ADCY8: variants seen among roughly 807,000 people sequenced by gnomAD.
The protein encoded by ADCY8 is adenylate cyclase type 8.
ADCY8 carries 51 observed loss-of-function variants against 119.7 expected under a neutral mutation model. The ratio of observed to expected loss-of-function variants is 0.43; its 90% CI spans 0.34 to 0.54. The LOEUF is 0.54. ADCY8 is among the 20% of genes least tolerant of loss of function. ADCY8 has a pLI of 0.03. For synonymous variants in ADCY8, 665 were observed against 651.0 expected, an observed-to-expected ratio of 1.02 and a Z score of -0.33; for missense variants, 1,383 against 1,598.8, an observed-to-expected ratio of 0.87 and a Z score of 2.30.
intron 11 of ADCY8, among the ~76,000 whole-genome samples, chr8:130,845,233 G>C (rs75294828): frequency 0.044 from 6,757 of 152,086 alleles, 321 homozygotes; most frequent in African/African-American, 0.12. Context: ...TTGTGTTTGG[G>C]GGTTCAGGTG....
intron 5 of ADCY8, among the ~76,000 whole-genome samples, chr8:130,935,037 G>A (rs997351815): frequency 6.6e-6 from 1 of 152,180 alleles, no homozygotes; most frequent in African/African-American, 2.4e-5. Flanking sequence ...TAAGAAGACT[G>A]TGACAACTGG....
At chr8:130,943,276 A>G in intron 4 of ADCY8, 75 bp downstream of exon 4, 1 of 1,084,356 alleles carries the variant, frequency 9.2e-7, no homozygotes, top group South Asian at 1.4e-5. Context: ...AGAAGGCTGA[A>G]TCCTTCTCTT....
chr8:130,869,976 C>CCTT (rs1442893019), intron 8 of ADCY8, among the ~76,000 whole-genome samples: 12 of 147,986 alleles, frequency 8.1e-5, no homozygotes, highest in South Asian at 2.2e-4. Context: ...CTTCCTTCTT[C>CCTT]CTCCTCCTCC....
chr8:130,822,162 G>A (rs755917177), intron 12 of ADCY8, among the ~76,000 whole-genome samples: 1 of 152,128 alleles, frequency 6.6e-6, no homozygotes, highest in Non-Finnish European at 1.5e-5. Flanking sequence ...TCCGTGGAAA[G>A]GATACATCCT....
chr8:130,945,196 A>T (rs149046817), intron 3 of ADCY8, among the ~76,000 whole-genome samples: 1 of 152,206 alleles, frequency 6.6e-6, no homozygotes, highest in African/African-American at 2.4e-5. Flanking sequence ...GAAGAGAGAG[A>T]TGAGGTCAGA....
chr8:130,871,540 T>A (rs976266), intron 8 of ADCY8, among the ~76,000 whole-genome samples: 2 of 152,102 alleles, frequency 1.3e-5, no homozygotes, highest in Non-Finnish European at 1.5e-5. Context: ...TCCACGATAA[T>A]CCTATATAAA....
intron 6 of ADCY8, among the ~76,000 whole-genome samples, chr8:130,909,207 A>AGATCC (rs1819895256): frequency 1.3e-5 from 2 of 152,154 alleles, no homozygotes; most frequent in Non-Finnish European, 2.9e-5. Context: ...GACCACTAGC[A>AGATCC]CCTTTGGGGA....
chr8:130,821,335 A>G lies in ADCY8; in HGVS notation c.2754+7T>C, dbSNP rs769049662. On this transcript the variant is annotated splice_region_variant and intron_variant, in intron 13 of 17. Coordinates refer to ENST00000286355, the MANE Select transcript of ADCY8 (RefSeq NM_001115.3). ...AACAGAGCAGTCAGAGCGAAATGTT[A>G]GATTACCTGCTGTCCATGGTAGAAC... 6.2e-7 allele frequency: 1 copy of G among 1,611,458 alleles called. No individual in the cohort carries two copies. Among genetic ancestry groups the G allele is most frequent in the Non-Finnish European group, 8.5e-7 (1 of 1,177,880 alleles).
Position 130,890,010 on chromosome 8 carries a change from T to G in ADCY8, c.1912-5249A>C, listed in dbSNP as rs1819127733. On this transcript the variant is annotated intron_variant, in intron 7 of 17. Transcript: ENST00000286355. The stretch of plus-strand genomic sequence containing the variant: ...GTGATTGTTTCTCTAGACTATGATC[T>G]CCTTGAGGCCAGGCACTGTGTTTTA... Among the ~76,000 whole-genome samples the G allele has an allele frequency of 1.3e-5, 2 of 152,098 alleles. 1 individual carries two copies. Among genetic ancestry groups the G allele is most frequent in the South Asian group, 4.2e-4 (2 of 4,816 alleles).
chr8:130,781,438 G>A (rs140179911), intron 17 of ADCY8, among the ~76,000 whole-genome samples: 85 of 152,280 alleles, frequency 5.6e-4, no homozygotes, highest in South Asian at 4.1e-4. Context: ...GGGAGGGCTC[G>A]TTCTGATCAA....
chr8:130,981,764 T>C lies in ADCY8; in HGVS notation c.1110+8629A>G, dbSNP rs577325565. Among the ~76,000 whole-genome samples the C allele has an allele frequency of 2.6e-5, 4 of 152,272 alleles. No individual in the cohort carries two copies. In the South Asian group the frequency reaches 6.2e-4, roughly 24 times the overall value. On this transcript the variant is annotated intron_variant, in intron 2 of 17. Coordinates refer to ENST00000286355, the MANE Select transcript of ADCY8 (RefSeq NM_001115.3). ...GAACACAAATAACAAGAAGAAAAAC[T>C]GTTGTTACTAGAATCAGAATACCTT...
At chr8:130,901,717 G>A (rs1275270237) in intron 7 of ADCY8, among the ~76,000 whole-genome samples, 2 of 152,078 alleles carry the variant, frequency 1.3e-5, no homozygotes, top group South Asian at 2.1e-4. Flanking sequence ...TTGGTGGCAC[G>A]CGGTTATTCA....
At chr8:130,853,667 T>C (rs1436418627) in intron 9 of ADCY8, among the ~76,000 whole-genome samples, 1 of 151,506 alleles carries the variant, frequency 6.6e-6, no homozygotes, top group African/African-American at 2.4e-5. Context: ...TATAGGGCTG[T>C]GTGGGAGGAT....
intron 5 of ADCY8, among the ~76,000 whole-genome samples, chr8:130,934,560 T>C (rs1310741630): frequency 6.6e-6 from 1 of 152,132 alleles, no homozygotes; most frequent in African/African-American, 2.4e-5. Flanking sequence ...CCGAACCATA[T>C]CGCAGTCCCA....
In ADCY8 at chr8:130,904,100, T is replaced by A; in HGVS notation, c.1641-58A>T. 2.0e-6 allele frequency: 3 copies of A among 1,524,004 alleles called. No homozygotes were observed. The South Asian group carries it at 3.8e-5, about 19-fold the overall frequency. The allele number at this position is 1,524,004 out of a possible 1,614,324, so 94.4% of individuals were successfully genotyped here. On this transcript the variant is annotated intron_variant, in intron 6 of 17. Coordinates refer to ENST00000286355, the MANE Select transcript of ADCY8 (RefSeq NM_001115.3). ...CCTGATGTTGCCTGCAAAGGCTATA[T>A]TTTTTTGACCTGTACAAAACCAACA...
chr8:130,851,658 G>T (rs940594809), intron 9 of ADCY8, among the ~76,000 whole-genome samples: 1 of 152,162 alleles, frequency 6.6e-6, no homozygotes, highest in Non-Finnish European at 1.5e-5. Context: ...GGAACACAGG[G>T]GAACAGTATG....
intron 1 of ADCY8, among the ~76,000 whole-genome samples, chr8:130,992,393 A>ATTGAGCAAC (rs1563758982): frequency 9.3e-6 from 1 of 107,756 alleles, no homozygotes; most frequent in African/African-American, 4.8e-5. Flanking sequence ...ATATATATAT[A>ATTGAGCAAC]TATATATATA....
chr8:130,866,358 A>G (rs377707338), intron 9 of ADCY8, among the ~76,000 whole-genome samples: 2 of 152,158 alleles, frequency 1.3e-5, no homozygotes, highest in East Asian at 3.9e-4. Context: ...GCATCATGCT[A>G]CAATCTTCCT....
At chr8:130,909,942 T>C in intron 5 of ADCY8, 76 bp from the exon 6 acceptor site, 2 of 960,362 alleles carry the variant, frequency 2.1e-6, no homozygotes, top group Non-Finnish European at 2.8e-6. Context: ...TTTCTTTTCT[T>C]TTTTTTTTTT....
Sources: gnomAD v4.1 joint callset for allele counts (sites outside exome capture counted in the v4.1 genomes callset) on GRCh38, gnomAD v4.1.1 for gene constraint, MANE v1.5 for transcripts, NCBI Gene and HGNC (gene_info 2026-07-23, HGNC 2026-07-21) for gene names.